Variants in CCER2 observed in about 807,000 individuals in gnomAD.
The protein encoded by CCER2 is coiled-coil glutamate rich protein 2, also known as coiled-coil domain-containing glutamate-rich protein 2.
A neutral mutation model predicts 27.1 loss-of-function variants in CCER2; 20 were observed. The observed-to-expected ratio is 0.74, with a 90% CI of 0.52 to 1.07. The LOEUF is 1.07. Ranked by LOEUF, CCER2 falls within the 50% of genes least tolerant of loss-of-function variation. The probability of loss-of-function intolerance (pLI) is 0.00; values close to 1 mark genes in which losing one functional copy is unlikely to be tolerated. For missense variants in CCER2, 351 were observed against 344.7 expected (o/e 1.02, Z -0.14); for synonymous variants, 140 against 144.3 (o/e 0.97, Z 0.21).
At position 38,911,047 on chromosome 19, in the gene CCER2, GT is replaced by G. The variant is rs2144751180; in HGVS notation, c.226del (p.Thr76ProfsTer19). 3 of 1,464,168 alleles carry G rather than the reference GT, an allele frequency of 2.0e-6. No individual in the cohort carries two copies. In the East Asian group the frequency reaches 7.4e-5, roughly 36 times the overall value. 90.7% of individuals were successfully genotyped at this position (1,464,168 alleles called of 1,614,324 possible). A position where few individuals can be genotyped will look rare whatever the true frequency, so the allele number is the denominator to read the frequency against. ...CCCAAGCAGCAGGCCTTTCTCCTCG[GT>G]GGACGCACAGCCGTGGGGCTCTGTC... ...CGTEPHGCAS[T>X]EEKGLLLGDF... On this transcript the variant is annotated frameshift_variant, in exon 4 of 5. Coordinates refer to ENST00000571838, the MANE Select transcript of CCER2 (RefSeq NM_001243212.2). LOFTEE classifies it high-confidence loss of function.
At chr19:38,909,444 G>A (rs957339816) in intron 4 of CCER2, 119 bp from the exon 5 acceptor site, 16 of 911,672 alleles carry the variant, frequency 1.8e-5, no homozygotes, top group Admixed American at 1.2e-4. Flanking sequence ...CGTTCTGATC[G>A]TCGTGGACCG....
At position 38,912,089 on chromosome 19, in the gene CCER2, C is replaced by A; in HGVS notation, c.61+9G>T. ...GGCAGGTCCCGCACTCGGCAGGTCC[C>A]GCACTCACCCGCCCCCAGCAGGAGC... On this transcript the variant is annotated intron_variant, in intron 1 of 4. Coordinates refer to ENST00000571838, the MANE Select transcript of CCER2 (RefSeq NM_001243212.2). The A allele has an allele frequency of 6.6e-7, 1 of 1,521,822 alleles. No individual in the cohort carries two copies. Among genetic ancestry groups the A allele is most frequent in the Non-Finnish European group, 8.8e-7 (1 of 1,141,194 alleles). The allele number at this position is 1,521,822 out of a possible 1,614,324, so 94.3% of individuals were successfully genotyped here. A position where few individuals can be genotyped will look rare whatever the true frequency, so the allele number is the denominator to read the frequency against.
intron 2 of CCER2, 51 bp downstream of exon 2, chr19:38,911,761 A>G: frequency 6.5e-7 from 1 of 1,529,676 alleles, no homozygotes. Flanking sequence ...CTGTGCAGGG[A>G]GGGCAGGGCC....
chr19:38,911,523 C>T (rs1568419948), intron 3 of CCER2, 43 bp downstream of exon 3: 3 of 1,499,110 alleles, frequency 2.0e-6, no homozygotes, highest in Admixed American at 2.0e-5. Flanking sequence ...GGGTAGGGTC[C>T]CATGGGGTTG....
chr19:38,910,772 G>A lies in CCER2; in HGVS notation c.502C>T (p.Arg168Trp), dbSNP rs912859044. ...TTGTCACTGGCCTTCTCTGCCACCC[G>A]CTTCTGGAGGTCCCCTCCATTCTCT... ...HLENGGDLQK[R>W]VAEKASDKET... The change falls in exon 4 of 5, where the codon CGG becomes TGG. Residue 168 changes from arginine to tryptophan, a missense_variant. Coordinates refer to ENST00000571838, the MANE Select transcript of CCER2 (RefSeq NM_001243212.2). 38 of 1,534,696 alleles carry A rather than the reference G, an allele frequency of 2.5e-5. 1 individual carries two copies. The Admixed American group carries it at 5.1e-4, about 21-fold the overall frequency.
At position 38,911,847 on chromosome 19, in the gene CCER2, C is replaced by A; in HGVS notation, c.67G>T (p.Ala23Ser). 6.5e-7 allele frequency: 1 copy of A among 1,535,112 alleles called. No homozygotes were observed. Among genetic ancestry groups the A allele is most frequent in the Non-Finnish European group, 8.7e-7 (1 of 1,146,656 alleles). The change falls in exon 2 of 5, where the codon GCT becomes TCT. Residue 23 changes from alanine (A) to serine (S), a missense_variant. Transcript: ENST00000571838. ...LRLLLLGAAT[A>S]APLAPRPSKE... ...GAGGGTCTCGGTGCCAAGGGAGCAGCGGTGGCTGTGGAGAAAGGAGATGGC... is the reference window on the plus strand; with the variant it reads ...GAGGGTCTCGGTGCCAAGGGAGCAGAGGTGGCTGTGGAGAAAGGAGATGGC...
intron 4 of CCER2, among the ~76,000 whole-genome samples, chr19:38,909,851 G>A (rs997271239): frequency 6.7e-6 from 1 of 150,314 alleles, no homozygotes; most frequent in Non-Finnish European, 1.5e-5. Context: ...TGGGATTACA[G>A]GCACGAACCA....
intron 4 of CCER2, among the ~76,000 whole-genome samples, chr19:38,910,094 A>C (rs1001572692): frequency 6.6e-6 from 1 of 152,126 alleles, no homozygotes; most frequent in Non-Finnish European, 1.5e-5. Context: ...GCTGGTCTCA[A>C]ACTCCTGGCC....
Position 38,911,656 on chromosome 19 carries a change from G to C in CCER2, c.103-3C>G. 3 of 1,535,452 alleles carry C rather than the reference G, an allele frequency of 2.0e-6. No homozygotes were observed. The highest frequency in any genetic ancestry group is 2.6e-6 in the Non-Finnish European group (3 of 1,146,666). ...ACCTCTGCCAGACAGCGGGTCAGCT[G>C]GGGGGCAGGGGTGCCGGGTCAGAGG... On this transcript the variant is annotated splice_region_variant and splice_polypyrimidine_tract_variant and intron_variant, in intron 2 of 4. Transcript: ENST00000571838.
chr19:38,911,827 T>A lies in CCER2; in HGVS notation c.87A>T (p.Arg29Ser). The A allele has an allele frequency of 6.5e-7, 1 of 1,535,102 alleles. No homozygotes were observed. The highest frequency in any genetic ancestry group is 8.7e-7 in the Non-Finnish European group (1 of 1,146,610). Residue 29 changes from arginine to serine, a missense_variant, in exon 2 of 5, where the codon AGA (arginine) becomes AGT (serine). Arg to Ser is a moderately radical substitution (Grantham distance 110, BLOSUM62 -1). Coordinates refer to ENST00000571838, the MANE Select transcript of CCER2 (RefSeq NM_001243212.2). ...GAATAAPLAP[R>S]PSKEELTRCL... is the part of the protein sequence containing the mutation. Reference sequence around the variant, plus strand: ...CACTCCTCACCTCCTCCTTGGAGGGTCTCGGTGCCAAGGGAGCAGCGGTGG... The same window carrying A: ...CACTCCTCACCTCCTCCTTGGAGGGACTCGGTGCCAAGGGAGCAGCGGTGG...
intron 4 of CCER2, among the ~76,000 whole-genome samples, chr19:38,910,310 G>A (rs1407757926): frequency 6.6e-6 from 1 of 152,196 alleles, no homozygotes; most frequent in Admixed American, 6.5e-5. Context: ...ACTTGCTAGT[G>A]ATGGTGGCTT....
chr19:38,910,668 C>T lies in CCER2; in HGVS notation c.606G>A (p.Glu202=). 2 of 1,533,272 alleles carry T rather than the reference C, an allele frequency of 1.3e-6. No individual in the cohort carries two copies. Among genetic ancestry groups the T allele is most frequent in the East Asian group, 4.9e-5 (2 of 40,912 alleles). The allele number at this position is 1,533,272 out of a possible 1,614,324, so 95.0% of individuals were successfully genotyped here. ...GGDRSLWQGA[E]RGGGERREDL... is the part of the protein sequence containing the mutation. ...CCTCGCGCCTCTCTCCTCCGCCTCT[C>T]TCGGCCCCCTGCCACAGGCTGCGGT... Residue 202 remains glutamate (E), a synonymous_variant, in exon 4 of 5, where the codon GAG becomes GAA. Transcript: ENST00000571838.
At chr19:38,909,955 C>T (rs1442798207) in intron 4 of CCER2, among the ~76,000 whole-genome samples, 1 of 151,614 alleles carries the variant, frequency 6.6e-6, no homozygotes, top group Non-Finnish European at 1.5e-5. Flanking sequence ...TCAATGCAGC[C>T]TCAAACTCCC....
chr19:38,911,981 C>T, intron 1 of CCER2, 117 bp downstream of exon 1: 1 of 1,476,154 alleles, frequency 6.8e-7, no homozygotes, highest in Non-Finnish European at 9.0e-7. Context: ...GTACTGTCCC[C>T]CGCTGGAGGC....
intron 4 of CCER2, among the ~76,000 whole-genome samples, chr19:38,909,734 G>A (rs1974264947): frequency 6.6e-6 from 1 of 151,946 alleles, no homozygotes; most frequent in Non-Finnish European, 1.5e-5. Flanking sequence ...CACCATGCCT[G>A]GCTGATTTTT....
At position 38,912,083 on chromosome 19, in the gene CCER2, A is replaced by AGGTCCCGCACTCACCC; in HGVS notation, c.60_61+14dup. Reference sequence around the variant, plus strand: ...GCCCCTGGCAGGTCCCGCACTCGGCAGGTCCCGCACTCACCCGCCCCCAGC... The same window carrying AGGTCCCGCACTCACCC: ...GCCCCTGGCAGGTCCCGCACTCGGCAGGTCCCGCACTCACCCGGTCCCGCACTCACCCGCCCCCAGC... On this transcript the variant is annotated intron_variant, in intron 1 of 4. Coordinates refer to ENST00000571838, the MANE Select transcript of CCER2 (RefSeq NM_001243212.2). 6.6e-7 allele frequency: 1 copy of AGGTCCCGCACTCACCC among 1,525,532 alleles called. No homozygotes were observed. Among genetic ancestry groups the AGGTCCCGCACTCACCC allele is most frequent in the Non-Finnish European group, 8.8e-7 (1 of 1,142,754 alleles). The allele number at this position is 1,525,532 out of a possible 1,614,324, so 94.5% of individuals were successfully genotyped here.
chr19:38,911,042 C>G lies in CCER2; in HGVS notation c.232G>C (p.Glu78Gln). 6.8e-7 allele frequency: 1 copy of G among 1,467,658 alleles called. No homozygotes were observed. The highest frequency in any genetic ancestry group is 9.0e-7 in the Non-Finnish European group (1 of 1,116,650). The allele number at this position is 1,467,658 out of a possible 1,614,324, so 90.9% of individuals were successfully genotyped here. A position where few individuals can be genotyped will look rare whatever the true frequency, so the allele number is the denominator to read the frequency against. The change falls in exon 4 of 5, where the codon GAG (glutamate) becomes CAG (glutamine). Residue 78 changes from glutamate to glutamine, a missense_variant. Coordinates refer to ENST00000571838, the MANE Select transcript of CCER2 (RefSeq NM_001243212.2). ...TEPHGCASTE[E>Q]KGLLLGDFKK... ...AAATCCCCAAGCAGCAGGCCTTTCT[C>G]CTCGGTGGACGCACAGCCGTGGGGC...
chr19:38,909,486 G>A (rs943314636), intron 4 of CCER2, among the ~76,000 whole-genome samples, 161 bp from the exon 5 acceptor site: 1 of 152,178 alleles, frequency 6.6e-6, no homozygotes, highest in African/African-American at 2.4e-5. Flanking sequence ...CCATAACCCC[G>A]GAAGAGTGGT....
chr19:38,909,225 T>G lies in CCER2; in HGVS notation c.*11A>C. ...GGGTGTGTCAGGAGGAAGGAGGGAC[T>G]GAGGTAGGGGTCAGCCCTCCCTCCT... On this transcript the variant is annotated 3_prime_UTR_variant, in exon 5 of 5. Transcript: ENST00000571838. The G allele has an allele frequency of 6.5e-7, 1 of 1,534,298 alleles. No homozygotes were observed. Among genetic ancestry groups the G allele is most frequent in the Non-Finnish European group, 8.7e-7 (1 of 1,145,648 alleles).
Sources: allele counts gnomAD v4.1 joint callset (sites outside exome capture counted in the v4.1 genomes callset), GRCh38; gene constraint gnomAD v4.1.1; transcripts MANE v1.5; gene names NCBI Gene and HGNC (gene_info 2026-07-23, HGNC 2026-07-21).